SAMD9L: variants seen among roughly 807,000 people sequenced by gnomAD.
The protein encoded by SAMD9L is sterile alpha motif domain containing 9 like.
SAMD9L carries 68 observed loss-of-function variants against 90.7 expected under a neutral mutation model. The ratio of observed to expected loss-of-function variants is 0.75; its 90% CI spans 0.62 to 0.92. SAMD9L has a LOEUF of 0.92. Ranked by LOEUF, SAMD9L falls within the 40% of genes least tolerant of loss-of-function variation. The probability of loss-of-function intolerance (pLI) is 0.00; values close to 1 mark genes in which losing one functional copy is unlikely to be tolerated. For synonymous variants in SAMD9L, 640 were observed against 630.1 expected (o/e 1.02, Z -0.23); for missense variants, 1,604 against 1,824.3 (o/e 0.88, Z 2.20).
At chr7:93,142,020 A>G (rs923672504) in intron 4 of SAMD9L, among the ~76,000 whole-genome samples, 5 of 152,194 alleles carry the variant, frequency 3.3e-5, no homozygotes, top group African/African-American at 1.2e-4. Context: ...CCATGCAGCT[A>G]CACGAGGCCT....
Position 93,147,077 on chromosome 7 carries a change from A to C in SAMD9L, c.-973T>G, listed in dbSNP as rs1249799505. On this transcript the variant is annotated 5_prime_UTR_variant, in exon 2 of 5. Coordinates refer to ENST00000318238, the MANE Select transcript of SAMD9L (RefSeq NM_152703.5). ...TCCACAGACACAGTCTGCTCGGGTG[A>C]GATGCAATACCTTCTTTTAGCTGGT... is the stretch of plus-strand genomic sequence containing the variant. 1.3e-5 allele frequency: 2 copies of C among 152,192 alleles called. No individual in the cohort carries two copies. The highest frequency in any genetic ancestry group is 1.3e-4 in the Admixed American group (2 of 15,280). The allele number at this position is 152,192 out of a possible 1,614,324, so 9.4% of individuals were successfully genotyped here.
Position 93,133,139 on chromosome 7 carries a change from A to C in SAMD9L, c.2833T>G (p.Phe945Val). 1 of 1,613,302 alleles carries C rather than the reference A, an allele frequency of 6.2e-7. No individual in the cohort carries two copies. The highest frequency in any genetic ancestry group is 8.5e-7 in the Non-Finnish European group (1 of 1,179,550). ...STISVSQCEI[F>V]LGIIYTSTPW... ...GTACTAGTGTATATGATTCCCAAAAATATTTCACACTGTGAAACTGAAATT... is the reference window on the plus strand; with the variant it reads ...GTACTAGTGTATATGATTCCCAAAACTATTTCACACTGTGAAACTGAAATT... The change falls in exon 5 of 5, where the codon TTT becomes GTT. Residue 945 changes from phenylalanine to valine, a missense_variant. Physicochemically the swap from Phe to Val is conservative, Grantham distance 50 (BLOSUM62 -1). Coordinates refer to ENST00000318238, the MANE Select transcript of SAMD9L (RefSeq NM_152703.5).
At position 93,134,049 on chromosome 7, in the gene SAMD9L, A is replaced by G. The variant is rs770428709; in HGVS notation, c.1923T>C (p.Ser641=). 34 of 1,613,768 alleles carry G rather than the reference A, an allele frequency of 2.1e-5. No individual in the cohort carries two copies. Among genetic ancestry groups the G allele is most frequent in the South Asian group, 2.1e-4 (19 of 91,080 alleles). The change falls in exon 5 of 5, where the codon TCT becomes TCC. Residue 641 remains serine, a synonymous_variant. Transcript: ENST00000318238. ...SRRFLPARGS[S]SVILEKKKED... The stretch of plus-strand genomic sequence containing the variant: ...CTTTCTTTTTCTCTAGGATAACTGA[A>G]GAAGATCCACGGGCGGGCAAAAACC...
chr7:93,135,428 TATA>T lies in SAMD9L; in HGVS notation c.541_543del (p.Tyr181del). On this transcript the variant is annotated inframe_deletion, in exon 5 of 5. Transcript: ENST00000318238. The stretch of plus-strand genomic sequence containing the variant: ...AGTGCTCCTGTTTCAGGTTGTAGAG[TATA>T]ATGTTCTATGTAGCGATGGCTGTCA... 6.2e-7 allele frequency: 1 copy of T among 1,614,134 alleles called. No individual in the cohort carries two copies.
Position 93,133,417 on chromosome 7 carries a change from G to A in SAMD9L, c.2555C>T (p.Ala852Val). 1.9e-6 allele frequency: 3 copies of A among 1,613,410 alleles called. No homozygotes were observed. Among genetic ancestry groups the A allele is most frequent in the African/African-American group, 2.7e-5 (2 of 75,012 alleles). The change falls in exon 5 of 5, where the codon GCA becomes GTA. Residue 852 changes from alanine to valine, a missense_variant. Transcript: ENST00000318238. ...TTGGTAATTTAGTGCAATACTGTCT[G>A]CCAATTTTGCACTTTCATCTGGATT... Reference protein sequence around the residue: ...SRNPDESAKLADSIALNYQLS... With the variant: ...SRNPDESAKLVDSIALNYQLS...
chr7:93,135,230 C>T lies in SAMD9L; in HGVS notation c.742G>A (p.Glu248Lys). ...HFGVKDKPHG[E>K]IVGVKITSKA... is the part of the protein sequence containing the mutation. ...CTGGTGATTTTCACACCAACAATTT[C>T]TCCATGGGGTTTGTCCTTGACTCCA... Residue 248 changes from glutamate (E) to lysine (K), a missense_variant, in exon 5 of 5, where the codon GAA becomes AAA. Around this residue, in one of 7 missense-constraint regions of SAMD9L, gnomAD observed 374 missense variants for 363.6 expected, o/e 1.03. Transcript: ENST00000318238. 1 of 1,614,086 alleles carries T rather than the reference C, an allele frequency of 6.2e-7. No homozygotes were observed.
chr7:93,143,706 GA>G (rs1028546391), intron 4 of SAMD9L, among the ~76,000 whole-genome samples: 1 of 152,178 alleles, frequency 6.6e-6, no homozygotes, highest in Non-Finnish European at 1.5e-5. Context: ...TGGTAGCTGA[GA>G]ATATATTTAA....
rs1562788601 is a variant in SAMD9L at position 93,132,380 on chromosome 7, A to G, written c.3592T>C (p.Leu1198=). The change falls in exon 5 of 5, where the codon TTG becomes CTG. Residue 1198 remains leucine (L), a synonymous_variant. Transcript: ENST00000318238. The stretch of plus-strand genomic sequence containing the variant: ...TAAAGACCAACTTCTATTTCACCCA[A>G]GAAACAAGCTGTGTTATACATGTCA... ...RYDMYNTACF[L]GEIEVGLYTI... The G allele has an allele frequency of 3.1e-6, 5 of 1,613,834 alleles. No individual in the cohort carries two copies. The highest frequency in any genetic ancestry group is 2.2e-5 in the East Asian group (1 of 44,888).
At position 93,135,397 on chromosome 7, in the gene SAMD9L, A is replaced by G. The variant is rs1249428557; in HGVS notation, c.575T>C (p.Leu192Pro). The G allele has an allele frequency of 6.2e-6, 10 of 1,614,090 alleles. No homozygotes were observed. The highest frequency in any genetic ancestry group is 8.5e-6 in the Non-Finnish European group (10 of 1,179,960). The part of the protein sequence containing the change: ...TLQPETGALN[L>P]IDPIHEFKAL... ...TTTGAACTCATGTATTGGATCAATG[A>G]GATTGAGTGCTCCTGTTTCAGGTTG... The change falls in exon 5 of 5, where the codon CTC becomes CCC. Residue 192 changes from leucine (L) to proline (P), a missense_variant. Leu to Pro is a moderately conservative substitution (Grantham distance 98, BLOSUM62 -3). Transcript: ENST00000318238.
In SAMD9L at chr7:93,133,120, G is replaced by T. The variant is rs536966231; in HGVS notation, c.2852C>A (p.Thr951Asn). The T allele has an allele frequency of 6.2e-7, 1 of 1,613,110 alleles. No homozygotes were observed. Among genetic ancestry groups the T allele is most frequent in the Non-Finnish European group, 8.5e-7 (1 of 1,179,374 alleles). Residue 951 changes from threonine (T) to asparagine (N), a missense_variant, in exon 5 of 5, where the codon ACT becomes AAT. Around this residue, in one of 7 missense-constraint regions of SAMD9L, gnomAD observed 606 missense variants for 717.6 expected, o/e 0.84. Coordinates refer to ENST00000318238, the MANE Select transcript of SAMD9L (RefSeq NM_152703.5). ...QCEIFLGIIY[T>N]STPWEPESLE... Reference sequence around the variant, plus strand: ...GCTTTCAGGTTCCCAGGGTGTACTAGTGTATATGATTCCCAAAAATATTTC... The same window carrying T: ...GCTTTCAGGTTCCCAGGGTGTACTATTGTATATGATTCCCAAAAATATTTC...
At position 93,134,909 on chromosome 7, in the gene SAMD9L, T is replaced by C; in HGVS notation, c.1063A>G (p.Asn355Asp). The change falls in exon 5 of 5, where the codon AAT becomes GAT. Residue 355 changes from asparagine (N) to aspartate (D), a missense_variant. By Grantham distance (23) the Asn-to-Asp change is conservative. Transcript: ENST00000318238. ...EGASSRDILA[N>D]SKQRDVDFKA... is the part of the protein sequence containing the mutation. ...AAATCTACATCCCGTTGCTTGGAATTGGCCAGGATATCCCTAGAGCTAGCC... is the reference window on the plus strand; with the variant it reads ...AAATCTACATCCCGTTGCTTGGAATCGGCCAGGATATCCCTAGAGCTAGCC... The C allele has an allele frequency of 6.2e-7, 1 of 1,614,060 alleles. No homozygotes were observed. The highest frequency in any genetic ancestry group is 8.5e-7 in the Non-Finnish European group (1 of 1,179,942).
rs1374036379 is a variant in SAMD9L at position 93,132,590 on chromosome 7, T to C, written c.3382A>G (p.Lys1128Glu). 3 of 1,613,744 alleles carry C rather than the reference T, an allele frequency of 1.9e-6. No individual in the cohort carries two copies. The highest frequency in any genetic ancestry group is 3.3e-5 in the Admixed American group (2 of 59,974). Residue 1128 changes from lysine to glutamate, a missense_variant, in exon 5 of 5, where the codon AAA becomes GAA. Lys to Glu is a moderately conservative substitution (Grantham distance 56). Transcript: ENST00000318238. The stretch of plus-strand genomic sequence containing the variant: ...TCCAACCACCATTTGATTTCACTTT[T>C]GTAGACTTGACCTAGTGTATCTGAA... ...YISDTLGQVY[K>E]SEIKWWLDGN...
rs1792371543 is a variant in SAMD9L at position 93,135,183 on chromosome 7, G to A, written c.789C>T (p.His263=). Residue 263 remains histidine (H), a synonymous_variant, in exon 5 of 5, where the codon CAC becomes CAT. Transcript: ENST00000318238. ...AATACTTTTTGATCATTACATTGAA[G>A]TGGTCAATGAAGGCAGCCTTACTGG... ...KITSKAAFID[H]FNVMIKKYFE... is the part of the protein sequence containing the mutation. 2.5e-6 allele frequency: 4 copies of A among 1,613,672 alleles called. No homozygotes were observed. The South Asian group carries it at 3.3e-5, about 13-fold the overall frequency.
rs138057112 is a variant in SAMD9L, at chr7:93,148,197, G to A, written c.-1046C>T. ...TTTAATGATTCAGTTTACTTACCAG[G>A]ATTTTCCTGAAAATGTCATCGTTTT... On this transcript the variant is annotated 5_prime_UTR_variant, in exon 1 of 5. Coordinates refer to ENST00000318238, the MANE Select transcript of SAMD9L (RefSeq NM_152703.5). 3.3e-4 allele frequency: 50 copies of A among 152,152 alleles called. No individual in the cohort carries two copies. The highest frequency in any genetic ancestry group is 1.2e-3 in the African/African-American group (50 of 41,504). The allele number at this position is 152,152 out of a possible 1,614,324, so 9.4% of individuals were successfully genotyped here. A position where few individuals can be genotyped will look rare whatever the true frequency, so the allele number is the denominator to read the frequency against.
At chr7:93,139,758 G>A (rs941475426) in intron 4 of SAMD9L, among the ~76,000 whole-genome samples, 14 of 152,076 alleles carry the variant, frequency 9.2e-5, no homozygotes, top group Non-Finnish European at 1.8e-4. Context: ...AGAACTACAA[G>A]CCCTCCGTCC....
At chr7:93,136,597 A>G (rs527636049) in intron 4 of SAMD9L, among the ~76,000 whole-genome samples, 2 of 152,350 alleles carry the variant, frequency 1.3e-5, no homozygotes, top group Admixed American at 6.5e-5. Context: ...GAGACTAGCT[A>G]TAATTCAAGC....
intron 2 of SAMD9L, among the ~76,000 whole-genome samples, chr7:93,146,519 G>T (rs1417816539): frequency 1.3e-5 from 2 of 152,076 alleles, no homozygotes; most frequent in Admixed American, 1.3e-4. Context: ...TTTACATTTT[G>T]TTCATTATCT....
chr7:93,139,287 A>G (rs1584291570), intron 4 of SAMD9L, among the ~76,000 whole-genome samples: 1 of 152,102 alleles, frequency 6.6e-6, no homozygotes, highest in Non-Finnish European at 1.5e-5. Context: ...TGACCTTATC[A>G]TTACTATTAT....
chr7:93,135,066 T>G lies in SAMD9L; in HGVS notation c.906A>C (p.Arg302Ser). The G allele has an allele frequency of 1.2e-6, 2 of 1,613,286 alleles. No individual in the cohort carries two copies. Among genetic ancestry groups the G allele is most frequent in the Non-Finnish European group, 8.5e-7 (1 of 1,179,740 alleles). Residue 302 changes from arginine (R) to serine (S), a missense_variant, in exon 5 of 5, where the codon AGA becomes AGC. This residue lies in a region of SAMD9L where 374 missense variants were observed against 363.6 expected (regional missense o/e 1.03). Coordinates refer to ENST00000318238, the MANE Select transcript of SAMD9L (RefSeq NM_152703.5). ...VLLQNNTPSD[R>S]FVIEVDTIPK... The stretch of plus-strand genomic sequence containing the variant: ...GAATAGTATCAACTTCAATGACAAA[T>G]CTGTCAGATGGTGTATTGTTCTGCA...
Sources: allele counts gnomAD v4.1 joint callset (sites outside exome capture counted in the v4.1 genomes callset), GRCh38; gene constraint gnomAD v4.1.1; regional missense constraint gnomAD v4.1.1; transcripts MANE v1.5; gene names NCBI Gene and HGNC (gene_info 2026-07-23, HGNC 2026-07-21).